The following ANXA4 variants were observed in gnomAD, a reference collection of about 807,000 sequenced individuals.
ANXA4 encodes 35-beta calcimedin.
A neutral mutation model predicts 49.8 loss-of-function variants in ANXA4; 39 were observed. That is an observed-to-expected ratio of 0.78 (90% confidence interval 0.61 to 1.02). The LOEUF (loss-of-function observed/expected upper bound fraction) is 1.02. ANXA4 is among the 50% of genes least tolerant of loss of function. The pLI is 0.00. For missense variants in ANXA4, 360 were observed against 410.1 expected (o/e 0.88, Z 1.05); for synonymous variants, 134 against 152.5 (o/e 0.88, Z 0.89).
chr2:69,685,650 A>T (rs1457648629), intron 2 of ANXA4, among the ~76,000 whole-genome samples: 2 of 152,370 alleles, frequency 1.3e-5, no homozygotes, highest in East Asian at 3.9e-4. Context: ...AAAGGATGAA[A>T]TTTAAGGGTG....
chr2:69,787,586 T>C (rs1672470855), intron 2 of ANXA4, among the ~76,000 whole-genome samples: 1 of 152,188 alleles, frequency 6.6e-6, no homozygotes, highest in South Asian at 2.1e-4. Flanking sequence ...TTGGTGTAGT[T>C]TGTCTTCCCC....
At chr2:69,747,204 C>G (rs1353070518) in intron 1 of ANXA4, among the ~76,000 whole-genome samples, 1 of 152,072 alleles carries the variant, frequency 6.6e-6, no homozygotes, top group Non-Finnish European at 1.5e-5. Context: ...GGTTTAGGCA[C>G]TCACCTCCCC....
At chr2:69,796,909 G>A (rs990549763) in intron 3 of ANXA4, among the ~76,000 whole-genome samples, 2 of 152,118 alleles carry the variant, frequency 1.3e-5, no homozygotes, top group South Asian at 2.1e-4. Context: ...GCTTGCTAAC[G>A]TCTGGGTTGT....
chr2:69,815,885 T>A, intron 8 of ANXA4: 1 of 538,718 alleles, frequency 1.9e-6, no homozygotes, highest in South Asian at 2.6e-5. Context: ...GAACTGCTAG[T>A]GTTTGCCCTG....
intron 2 of ANXA4, among the ~76,000 whole-genome samples, chr2:69,682,986 GT>G (rs1677651417): frequency 6.6e-6 from 1 of 152,084 alleles, no homozygotes; most frequent in South Asian, 2.1e-4. Flanking sequence ...CCACGTTATT[GT>G]TTAAAACAGG....
At chr2:69,769,452 C>T (rs1559167487) in intron 1 of ANXA4, among the ~76,000 whole-genome samples, 1 of 152,138 alleles carries the variant, frequency 6.6e-6, no homozygotes, top group Admixed American at 6.5e-5. Flanking sequence ...AATTACACAA[C>T]TTTTCTCAGT....
intron 3 of ANXA4, among the ~76,000 whole-genome samples, chr2:69,789,538 C>A (rs955448031): frequency 7.9e-5 from 12 of 152,148 alleles, no homozygotes; most frequent in Non-Finnish European, 1.3e-4. Context: ...GACAGACACA[C>A]ACACAGTGAG....
At chr2:69,808,772 C>T (rs1232747795) in intron 6 of ANXA4, 1 of 152,110 alleles carries the variant, frequency 6.6e-6, no homozygotes, top group African/African-American at 2.4e-5. Context: ...AGCAACCCAC[C>T]CACTGCAGCC....
At chr2:69,666,938 C>T (rs915118910) in intron 2 of ANXA4, among the ~76,000 whole-genome samples, 8 of 152,024 alleles carry the variant, frequency 5.3e-5, no homozygotes, top group African/African-American at 1.9e-4. Flanking sequence ...TCCAGCTACT[C>T]AGGAGGCTGA....
At chr2:69,703,699 T>G (rs1678403299) in intron 2 of ANXA4, among the ~76,000 whole-genome samples, 1 of 152,270 alleles carries the variant, frequency 6.6e-6, no homozygotes. Context: ...TTTCCTCTCA[T>G]GGATTAGAAA....
intron 1 of ANXA4, among the ~76,000 whole-genome samples, chr2:69,780,572 C>T (rs1672153889): frequency 6.6e-6 from 1 of 152,144 alleles, no homozygotes; most frequent in Non-Finnish European, 1.5e-5. Flanking sequence ...TATCAAGGAT[C>T]TAACTAAACT....
chr2:69,755,350 T>G (rs2105505643), intron 1 of ANXA4, among the ~76,000 whole-genome samples: 1 of 152,368 alleles, frequency 6.6e-6, no homozygotes, highest in South Asian at 2.1e-4. Context: ...CCAGGAACAG[T>G]GGCTCACGCC....
rs575387824 is a variant in ANXA4 at position 69,781,372 on chromosome 2, A to C, written c.-46-148A>C. ...TTTCTCTAATTAGCCCATTCCTTGT[A>C]TCTTTGGCTAATCAGTAACTGGCCT... On this transcript the variant is annotated intron_variant, in intron 1 of 12. Transcript: ENST00000394295. 12 of 648,134 alleles carry C rather than the reference A, an allele frequency of 1.9e-5. No homozygotes were observed. The South Asian group carries it at 2.1e-4, about 11-fold the overall frequency. The allele number at this position is 648,134 out of a possible 1,614,324, so 40.1% of individuals were successfully genotyped here. A position where few individuals can be genotyped will look rare whatever the true frequency, so the allele number is the denominator to read the frequency against.
At chr2:69,708,286 C>T (rs1307041486) in intron 2 of ANXA4, among the ~76,000 whole-genome samples, 2 of 152,144 alleles carry the variant, frequency 1.3e-5, no homozygotes, top group Non-Finnish European at 2.9e-5. Flanking sequence ...AATGGTCAAA[C>T]GTGATCGCAA....
At chr2:69,672,624 C>T (rs780673631) in intron 2 of ANXA4, among the ~76,000 whole-genome samples, 54 of 152,096 alleles carry the variant, frequency 3.6e-4, no homozygotes, top group Non-Finnish European at 7.1e-4. Context: ...ACAGCAAAAC[C>T]AAACAATATT....
intron 1 of ANXA4, among the ~76,000 whole-genome samples, chr2:69,744,963 G>A (rs1253450510): frequency 6.6e-6 from 1 of 152,092 alleles, no homozygotes; most frequent in Non-Finnish European, 1.5e-5. Context: ...ACTGGAAAGG[G>A]AGCACACTGC....
chr2:69,660,706 A>T (rs1040747083), intron 2 of ANXA4, among the ~76,000 whole-genome samples: 4 of 152,156 alleles, frequency 2.6e-5, no homozygotes, highest in African/African-American at 7.2e-5. Flanking sequence ...AGCAGATAAG[A>T]CACAATTAAA....
chr2:69,821,760 G>T (rs1490206400), intron 12 of ANXA4, among the ~76,000 whole-genome samples: 1 of 152,108 alleles, frequency 6.6e-6, no homozygotes, highest in Non-Finnish European at 1.5e-5. Context: ...CCAAGCTGTG[G>T]ATTTTGTTAC....
intron 5 of ANXA4, among the ~76,000 whole-genome samples, chr2:69,807,561 A>G (rs1673497778): frequency 6.6e-6 from 1 of 152,188 alleles, no homozygotes; most frequent in African/African-American, 2.4e-5. Flanking sequence ...GGCTCTGGGA[A>G]AGCAAAGAGG....
Sources: gnomAD v4.1 joint callset for allele counts (sites outside exome capture counted in the v4.1 genomes callset) on GRCh38, gnomAD v4.1.1 for gene constraint, MANE v1.5 for transcripts, NCBI Gene and HGNC (gene_info 2026-07-23, HGNC 2026-07-21) for gene names.